The following ME3 variants were observed in gnomAD, a reference collection of about 807,000 sequenced individuals.
ME3 encodes NADP-dependent malic enzyme, mitochondrial.
Under a neutral mutation model 68.9 loss-of-function variants are expected in ME3, and 48 were observed. The ratio of observed to expected loss-of-function variants is 0.70; its 90% CI spans 0.55 to 0.89. The LOEUF is 0.89. ME3 is among the 40% of genes least tolerant of loss of function. The pLI is 0.00. For synonymous variants in ME3, 320 were observed against 318.8 expected (o/e 1.00, Z -0.04); for missense variants, 675 against 797.4 (o/e 0.85, Z 1.85).
At chr11:86,593,896 C>T (rs2139679958) in intron 2 of ME3, among the ~76,000 whole-genome samples, 1 of 146,578 alleles carries the variant, frequency 6.8e-6, no homozygotes, top group South Asian at 2.2e-4. Flanking sequence ...TGTTTCCAAA[C>T]TTCCACAATT....
chr11:86,554,999 G>C (rs528504277), intron 4 of ME3, among the ~76,000 whole-genome samples: 1 of 152,310 alleles, frequency 6.6e-6, no homozygotes, highest in African/African-American at 2.4e-5. Context: ...CTGAGGGGAT[G>C]GGGGAGGGCT....
intron 2 of ME3, among the ~76,000 whole-genome samples, chr11:86,585,246 A>G (rs11820663): frequency 0.16 from 23,708 of 152,230 alleles, 1,906 homozygotes; most frequent in Middle Eastern, 0.22. Context: ...TCTTTAGAAA[A>G]GATCATTTTG....
At chr11:86,546,808 A>C (rs1346054812) in intron 4 of ME3, among the ~76,000 whole-genome samples, 1 of 152,242 alleles carries the variant, frequency 6.6e-6, no homozygotes, top group Non-Finnish European at 1.5e-5. Context: ...CAGCAATCCC[A>C]TTACTGGGTA....
downstream of ME3, among the ~76,000 whole-genome samples, chr11:86,439,440 G>A (rs562291589): frequency 6.6e-6 from 1 of 152,256 alleles, no homozygotes; most frequent in South Asian, 2.1e-4. Context: ...TTCTAATTTA[G>A]TTATTAATTC....
intron 8 of ME3, among the ~76,000 whole-genome samples, chr11:86,454,430 G>T (rs1338610971): frequency 2.6e-5 from 4 of 152,216 alleles, no homozygotes; most frequent in Non-Finnish European, 5.9e-5. Flanking sequence ...ATTAAGTAAA[G>T]TAGCCAGTGT....
chr11:86,625,366 C>T (rs1290616926), intron 2 of ME3, among the ~76,000 whole-genome samples: 1 of 151,870 alleles, frequency 6.6e-6, no homozygotes, highest in Non-Finnish European at 1.5e-5. Flanking sequence ...CCCCAAGGAA[C>T]ATCAACATTT....
chr11:86,620,232 A>G (rs1943258330), intron 2 of ME3, among the ~76,000 whole-genome samples: 2 of 152,232 alleles, frequency 1.3e-5, no homozygotes, highest in Admixed American at 6.5e-5. Context: ...ATATGAAACA[A>G]TCTTATCAAT....
At chr11:86,543,353 G>T (rs1186254500) in intron 4 of ME3, among the ~76,000 whole-genome samples, 2 of 152,172 alleles carry the variant, frequency 1.3e-5, no homozygotes. Flanking sequence ...AAAAGACAAA[G>T]ACTGGCAAAT....
At position 86,509,259 on chromosome 11, in the gene ME3, A is replaced by C. The variant is rs1221968071; in HGVS notation, c.468-392T>G. Among the ~76,000 whole-genome samples, 3 of 152,166 alleles carry C rather than the reference A, an allele frequency of 2.0e-5. No homozygotes were observed. In the East Asian group the frequency reaches 5.8e-4, roughly 29 times the overall value. Reference sequence around the variant, plus strand: ...GTACAGACCACACTGCAGTAGCTGGATCCCTAGGCCTGAGTCCGTGACTGA... The same window carrying C: ...GTACAGACCACACTGCAGTAGCTGGCTCCCTAGGCCTGAGTCCGTGACTGA... On this transcript the variant is annotated intron_variant, in intron 4 of 14. Transcript: ENST00000543262.
intron 13 of ME3, among the ~76,000 whole-genome samples, chr11:86,444,739 G>A (rs1949188680): frequency 6.6e-6 from 1 of 152,192 alleles, no homozygotes; most frequent in Non-Finnish European, 1.5e-5. Context: ...TACAATGAAA[G>A]GAGGTGGTGA....
intron 4 of ME3, among the ~76,000 whole-genome samples, chr11:86,514,844 C>T (rs1396310274): frequency 1.3e-5 from 2 of 152,202 alleles, no homozygotes; most frequent in Non-Finnish European, 2.9e-5. Context: ...GTTAGTGTTG[C>T]TGATCTTAGT....
rs913616314 is a variant in ME3, at chr11:86,580,268, G to A, written c.184-20445C>T. Among the ~76,000 whole-genome samples the A allele has an allele frequency of 3.8e-4, 58 of 152,286 alleles. 1 individual carries two copies. Among genetic ancestry groups the A allele is most frequent in the African/African-American group, 1.3e-3 (52 of 41,566 alleles). ...GTTGATGTTCACAGAGACCTGCAGA[G>A]TGACCTCTCCTCCAAATGCCTCAAA... On this transcript the variant is annotated intron_variant, in intron 2 of 14. Coordinates refer to ENST00000543262, the Ensembl canonical transcript of ME3.
downstream of ME3, among the ~76,000 whole-genome samples, chr11:86,440,499 C>T (rs866208005): frequency 5.3e-5 from 8 of 152,144 alleles, no homozygotes; most frequent in African/African-American, 1.4e-4. Flanking sequence ...CTAGATCTCC[C>T]TATGGTGCTG....
At chr11:86,644,959 T>C (rs1184962825) in intron 2 of ME3, among the ~76,000 whole-genome samples, 1 of 151,906 alleles carries the variant, frequency 6.6e-6, no homozygotes, top group Non-Finnish European at 1.5e-5. Context: ...GTGCAAGGGG[T>C]TGGGGAACTC....
intron 2 of ME3, among the ~76,000 whole-genome samples, chr11:86,604,921 G>A (rs1961393263): frequency 6.6e-6 from 1 of 152,114 alleles, no homozygotes; most frequent in African/African-American, 2.4e-5. Context: ...ATTCACAATG[G>A]TTTCAATCAC....
chr11:86,435,400 A>C, the ME3 span: 1 of 152,340 alleles, frequency 6.6e-6, no homozygotes, highest in East Asian at 1.9e-4. Context: ...GGTGAATGGG[A>C]ATTCCAGAGA....
chr11:86,599,294 C>T (rs10898508), intron 2 of ME3, among the ~76,000 whole-genome samples: 50,336 of 151,970 alleles, frequency 0.33, 9,993 homozygotes, highest in Non-Finnish European at 0.45. Context: ...TCGAGAACTA[C>T]GTGAAGAAGG....
At chr11:86,496,051 G>A (rs1952309424) in intron 6 of ME3, among the ~76,000 whole-genome samples, 1 of 152,176 alleles carries the variant, frequency 6.6e-6, no homozygotes, top group South Asian at 2.1e-4. Flanking sequence ...CATATCTGCA[G>A]ATGAAGCCTG....
intron 7 of ME3, among the ~76,000 whole-genome samples, chr11:86,476,924 G>A (rs533494669): frequency 6.6e-6 from 1 of 152,312 alleles, no homozygotes; most frequent in African/African-American, 2.4e-5. Context: ...GTGGACAGCA[G>A]TGTTGGACAT....
Sources: allele counts gnomAD v4.1 joint callset (sites outside exome capture counted in the v4.1 genomes callset), GRCh38; gene constraint gnomAD v4.1.1; transcripts MANE v1.5; gene names NCBI Gene and HGNC (gene_info 2026-07-23, HGNC 2026-07-21).